KCNIP1: variants seen among roughly 807,000 people sequenced by gnomAD.
The protein encoded by KCNIP1 is potassium voltage-gated channel interacting protein 1, also known as A-type potassium channel modulatory protein KCNIP1.
In KCNIP1, 18 loss-of-function variants were observed where a neutral mutation model predicts 33.0. The observed-to-expected ratio is 0.55, with a 90% CI of 0.38 to 0.81. The LOEUF is 0.81. KCNIP1 is among the 30% of genes least tolerant of loss of function. The pLI is 0.00. For missense variants in KCNIP1, 238 were observed against 271.6 expected, an observed-to-expected ratio of 0.88 and a Z score of 0.87; for synonymous variants, 93 against 98.3, an observed-to-expected ratio of 0.95 and a Z score of 0.32.
chr5:170,608,072 G>A (rs1484469831), intron 1 of KCNIP1, among the ~76,000 whole-genome samples: 2 of 152,158 alleles, frequency 1.3e-5, no homozygotes, highest in African/African-American at 4.8e-5. Flanking sequence ...GACAGAAGAA[G>A]GTAGGCACTA....
chr5:170,495,371 G>A (rs1757291078), intron 1 of KCNIP1, among the ~76,000 whole-genome samples: 1 of 152,170 alleles, frequency 6.6e-6, no homozygotes, highest in East Asian at 1.9e-4. Context: ...CTCCTTACCG[G>A]ACTTGCCCAG....
At chr5:170,618,418 G>A (rs1759469746) in intron 1 of KCNIP1, among the ~76,000 whole-genome samples, 1 of 149,664 alleles carries the variant, frequency 6.7e-6, no homozygotes, top group Non-Finnish European at 1.5e-5. Flanking sequence ...AGGAAGAAAG[G>A]GAGGGAAGGA....
At position 170,492,492 on chromosome 5, in the gene KCNIP1, T is replaced by C. The variant is rs1345343288; in HGVS notation, c.88+138528T>C. On this transcript the variant is annotated intron_variant, in intron 1 of 7. Transcript: ENST00000377360. ...TGGAGGTTCAATTACATAAGCATGA[T>C]TGATCAAATTATTGGCCAATGGTGA... is the stretch of plus-strand genomic sequence containing the variant. Among the ~76,000 whole-genome samples, 7 of 152,198 alleles carry C rather than the reference T, an allele frequency of 4.6e-5. No homozygotes were observed. The East Asian group carries it at 1.3e-3, about 29-fold the overall frequency.
At chr5:170,632,596 G>C (rs1175503601) in intron 1 of KCNIP1, among the ~76,000 whole-genome samples, 1 of 152,232 alleles carries the variant, frequency 6.6e-6, no homozygotes, top group African/African-American at 2.4e-5. Flanking sequence ...TACCGCCAGG[G>C]ATGTGGGCGG....
chr5:170,431,362 C>G (rs1030937311), intron 1 of KCNIP1, among the ~76,000 whole-genome samples: 9 of 152,180 alleles, frequency 5.9e-5, no homozygotes, highest in Non-Finnish European at 1.0e-4. Context: ...AACCAAGGAT[C>G]AGGCTGCTGG....
At chr5:170,373,567 A>G (rs866716182) in intron 1 of KCNIP1, among the ~76,000 whole-genome samples, 4 of 152,264 alleles carry the variant, frequency 2.6e-5, no homozygotes, top group African/African-American at 4.8e-5. Flanking sequence ...ATAATAATAC[A>G]TCCATTAGTT....
intron 1 of KCNIP1, among the ~76,000 whole-genome samples, chr5:170,594,985 G>A (rs1247788768): frequency 6.6e-6 from 1 of 152,192 alleles, no homozygotes; most frequent in African/African-American, 2.4e-5. Flanking sequence ...CACATGAGCG[G>A]CTAGGTGGGA....
chr5:170,582,266 A>T (rs1757822742), intron 1 of KCNIP1, among the ~76,000 whole-genome samples: 1 of 152,234 alleles, frequency 6.6e-6, no homozygotes, highest in African/African-American at 2.4e-5. Context: ...ATGACAGTTT[A>T]AGGTAGCAGG....
intron 1 of KCNIP1, among the ~76,000 whole-genome samples, chr5:170,692,292 A>C (rs1581507130): frequency 6.6e-6 from 1 of 152,276 alleles, no homozygotes; most frequent in East Asian, 1.9e-4. Context: ...CCCCTGGAAG[A>C]TCCCCTCCTC....
rs191930374 is a variant in KCNIP1, at chr5:170,511,936, G to C, written c.61+7303G>C. Among the ~76,000 whole-genome samples the C allele has an allele frequency of 1.3e-3, 193 of 152,254 alleles. 1 individual carries two copies. The highest frequency in any genetic ancestry group is 0.011 in the Admixed American group (167 of 15,296). On this transcript the variant is annotated intron_variant, in intron 1 of 7. Coordinates refer to ENST00000328939, the MANE Select transcript of KCNIP1 (RefSeq NM_014592.4). ...GGATGTTGGGGAGAAGGCATTCAAG[G>C]ATAGACTGAAGCACCTCATTAGCCA...
At chr5:170,471,378 T>C (rs1417080013) in intron 1 of KCNIP1, among the ~76,000 whole-genome samples, 1 of 152,206 alleles carries the variant, frequency 6.6e-6, no homozygotes, top group African/African-American at 2.4e-5. Flanking sequence ...AACCACTGTT[T>C]GGTGAGTATA....
intron 1 of KCNIP1, among the ~76,000 whole-genome samples, chr5:170,607,128 C>T (rs1472858633): frequency 1.3e-5 from 2 of 152,188 alleles, no homozygotes; most frequent in Non-Finnish European, 2.9e-5. Flanking sequence ...CTCCGTCTGT[C>T]GCGCTTCTGT....
At chr5:170,358,847 A>T (rs891921072) in intron 1 of KCNIP1, among the ~76,000 whole-genome samples, 2 of 152,166 alleles carry the variant, frequency 1.3e-5, no homozygotes, top group African/African-American at 2.4e-5. Flanking sequence ...AGCTGGGATT[A>T]GAACCCAGGT....
chr5:170,705,834 G>A (rs573724259), intron 1 of KCNIP1, among the ~76,000 whole-genome samples: 1 of 152,230 alleles, frequency 6.6e-6, no homozygotes, highest in Admixed American at 6.5e-5. Flanking sequence ...TGTGACTATT[G>A]GATTCTGTTG....
chr5:170,581,216 G>A (rs1174115620), intron 1 of KCNIP1, among the ~76,000 whole-genome samples: 1 of 152,180 alleles, frequency 6.6e-6, no homozygotes, highest in East Asian at 1.9e-4. Context: ...TGGAACTACA[G>A]AGCTAAAAGA....
intron 1 of KCNIP1, among the ~76,000 whole-genome samples, chr5:170,527,949 G>C (rs1474934934): frequency 6.6e-6 from 1 of 151,926 alleles, no homozygotes; most frequent in African/African-American, 2.4e-5. Flanking sequence ...ACAGACACAC[G>C]ACAATTCTGA....
chr5:170,424,887 C>G (rs905519456), intron 1 of KCNIP1, among the ~76,000 whole-genome samples: 1 of 152,230 alleles, frequency 6.6e-6, no homozygotes, highest in African/African-American at 2.4e-5. Flanking sequence ...TCCTACCCCA[C>G]TCCTTTATCT....
intron 1 of KCNIP1, among the ~76,000 whole-genome samples, chr5:170,576,140 C>T (rs557138949): frequency 2.0e-4 from 31 of 152,282 alleles, no homozygotes; most frequent in Admixed American, 2.0e-3. Context: ...TTCAAGATGG[C>T]TTATTCTCAG....
At chr5:170,720,285 CA>C (rs769504778) in intron 2 of KCNIP1, 35 bp from the exon 3 acceptor site, 2 of 1,549,212 alleles carry the variant, frequency 1.3e-6, no homozygotes, top group South Asian at 2.2e-5. Flanking sequence ...TGCTGGCCCT[CA>C]AATGCCTCCC....
Sources: allele counts gnomAD v4.1 joint callset (sites outside exome capture counted in the v4.1 genomes callset), GRCh38; gene constraint gnomAD v4.1.1; transcripts MANE v1.5; gene names NCBI Gene and HGNC (gene_info 2026-07-23, HGNC 2026-07-21).